Variants in GRIN2B observed in about 807,000 individuals in gnomAD.
The protein encoded by GRIN2B is glutamate receptor ionotropic, NMDA 2B.
Under a neutral mutation model 114.5 loss-of-function variants are expected in GRIN2B, and 5 were observed. That is an observed-to-expected ratio of 0.04 (90% CI 0.02 to 0.09). GRIN2B has a LOEUF of 0.09. Ranked by LOEUF, GRIN2B falls within the 10% of genes least tolerant of loss-of-function variation. The pLI, the probability that GRIN2B is intolerant of heterozygous loss-of-function variation, is 1.00. For synonymous variants in GRIN2B, 787 were observed against 745.1 expected (o/e 1.06, Z -0.92); for missense variants, 1,108 against 1,943.5 (o/e 0.57, Z 8.08).
At chr12:13,951,283 G>A (rs1002350615) in intron 2 of GRIN2B, among the ~76,000 whole-genome samples, 2 of 152,152 alleles carry the variant, frequency 1.3e-5, no homozygotes, top group Admixed American at 1.3e-4. Flanking sequence ...TATGCAGACT[G>A]ACTGAGGCCA....
chr12:13,944,299 A>G (rs1263859632), intron 2 of GRIN2B, among the ~76,000 whole-genome samples: 1 of 152,212 alleles, frequency 6.6e-6, no homozygotes, highest in African/African-American at 2.4e-5. Flanking sequence ...TCAGTCATAC[A>G]ACCCAACATT....
At chr12:13,611,681 G>A in intron 9 of GRIN2B, 44 bp downstream of exon 9, 1 of 1,598,154 alleles carries the variant, frequency 6.3e-7, no homozygotes, top group Non-Finnish European at 8.6e-7. Context: ...TTGAAAATAA[G>A]GAGAAAAAAA....
chr12:13,665,682 G>A (rs996382061), intron 5 of GRIN2B, among the ~76,000 whole-genome samples: 2 of 152,098 alleles, frequency 1.3e-5, no homozygotes, highest in African/African-American at 4.8e-5. Flanking sequence ...ATTTTAATAG[G>A]AATCAAAATG....
chr12:13,843,111 G>GAAA (rs370233559), intron 3 of GRIN2B, among the ~76,000 whole-genome samples: 15 of 109,656 alleles, frequency 1.4e-4, no homozygotes, highest in African/African-American at 4.5e-4. Context: ...CTACACTGGG[G>GAAA]AAAAAAAAAA....
chr12:13,975,897 G>A (rs1216059165), intron 2 of GRIN2B, among the ~76,000 whole-genome samples: 1 of 152,208 alleles, frequency 6.6e-6, no homozygotes, highest in Non-Finnish European at 1.5e-5. Flanking sequence ...AGGGGACAAG[G>A]TAGACGTGCA....
At chr12:13,789,356 A>C (rs976129709) in intron 3 of GRIN2B, among the ~76,000 whole-genome samples, 2 of 152,252 alleles carry the variant, frequency 1.3e-5, no homozygotes, top group African/African-American at 4.8e-5. Context: ...ACATTCCAGC[A>C]AAAAGGTTTC....
At chr12:13,770,036 C>T (rs886460604) in intron 3 of GRIN2B, among the ~76,000 whole-genome samples, 6 of 152,336 alleles carry the variant, frequency 3.9e-5, no homozygotes, top group African/African-American at 1.4e-4. Flanking sequence ...AAAATTTTCA[C>T]TACATCCAGT....
Position 13,891,912 on chromosome 12 carries a change from TAAATATAAACATA to T in GRIN2B, c.-18-25699_-18-25687del, listed in dbSNP as rs1370919979. Among the ~76,000 whole-genome samples the T allele has an allele frequency of 5.9e-5, 9 of 152,312 alleles. 1 individual carries two copies. The highest frequency in any genetic ancestry group is 1.2e-4 in the Non-Finnish European group (8 of 68,030). On this transcript the variant is annotated intron_variant, in intron 2 of 13. Transcript: ENST00000609686. ...TAAAAGGCACTCTTCTAAGTTGTCT[TAAATATAAACATA>T]AGACAAGCCTTGCCCTTTAGAAGCA...
At chr12:13,695,932 T>C (rs1189928558) in intron 4 of GRIN2B, among the ~76,000 whole-genome samples, 1 of 151,960 alleles carries the variant, frequency 6.6e-6, no homozygotes, top group Admixed American at 6.6e-5. Flanking sequence ...ACATGTGAAA[T>C]GTAGTGGATT....
intron 3 of GRIN2B, among the ~76,000 whole-genome samples, chr12:13,864,361 T>C (rs945115782): frequency 1.3e-5 from 2 of 149,252 alleles, no homozygotes; most frequent in South Asian, 2.1e-4. Context: ...AGCATGCTTG[T>C]GGTGTCTGTG....
chr12:13,928,337 C>T (rs1178411034), intron 2 of GRIN2B, among the ~76,000 whole-genome samples: 1 of 151,216 alleles, frequency 6.6e-6, no homozygotes, highest in Non-Finnish European at 1.5e-5. Context: ...GAATTTGAGT[C>T]TATGGACACA....
chr12:13,601,099 A>G (rs1949151689), intron 10 of GRIN2B, among the ~76,000 whole-genome samples: 1 of 152,222 alleles, frequency 6.6e-6, no homozygotes, highest in Admixed American at 6.5e-5. Flanking sequence ...ACTGAAGTCT[A>G]AAGGATGCAA....
chr12:13,872,524 A>T (rs1385258497), intron 2 of GRIN2B, among the ~76,000 whole-genome samples: 2 of 152,170 alleles, frequency 1.3e-5, no homozygotes, highest in Non-Finnish European at 2.9e-5. Context: ...CATCACCATG[A>T]TCAATTGCGG....
At chr12:13,973,676 C>T (rs773738197) in intron 2 of GRIN2B, among the ~76,000 whole-genome samples, 2 of 152,176 alleles carry the variant, frequency 1.3e-5, no homozygotes, top group African/African-American at 4.8e-5. Flanking sequence ...TGGGAATTTA[C>T]TCACCCACAT....
chr12:13,575,686 A>C (rs191999882), intron 10 of GRIN2B, among the ~76,000 whole-genome samples: 1 of 150,794 alleles, frequency 6.6e-6, no homozygotes, highest in Non-Finnish European at 1.5e-5. Flanking sequence ...TAATAATAAT[A>C]ATAATAATAA....
At chr12:13,759,472 G>C (rs1863639473) in intron 3 of GRIN2B, among the ~76,000 whole-genome samples, 1 of 152,142 alleles carries the variant, frequency 6.6e-6, no homozygotes, top group South Asian at 2.1e-4. Context: ...TCCCTTTGTA[G>C]CAAACTCCTT....
chr12:13,859,427 G>A (rs931884491), intron 3 of GRIN2B, among the ~76,000 whole-genome samples: 4 of 152,214 alleles, frequency 2.6e-5, no homozygotes, highest in Non-Finnish European at 5.9e-5. Context: ...GACAGGATGT[G>A]CTGGCCAACA....
intron 3 of GRIN2B, among the ~76,000 whole-genome samples, chr12:13,763,718 T>A (rs1863724013): frequency 6.6e-6 from 1 of 152,206 alleles, no homozygotes; most frequent in African/African-American, 2.4e-5. Context: ...CTTGCTGACC[T>A]CCACCCTGTG....
intron 3 of GRIN2B, among the ~76,000 whole-genome samples, chr12:13,765,699 G>T (rs1406924794): frequency 1.3e-5 from 2 of 152,166 alleles, no homozygotes; most frequent in African/African-American, 4.8e-5. Flanking sequence ...TGCAGTATGT[G>T]AATATATTTT....
Sources: allele counts gnomAD v4.1 joint callset (sites outside exome capture counted in the v4.1 genomes callset), GRCh38; gene constraint gnomAD v4.1.1; transcripts MANE v1.5; gene names NCBI Gene and HGNC (gene_info 2026-07-23, HGNC 2026-07-21).